UGT2B28: variants seen among roughly 807,000 people sequenced by gnomAD.
UGT2B28 encodes the protein UDP glucuronosyltransferase family 2 member B28.
UGT2B28 carries 45 observed loss-of-function variants against 43.6 expected under a neutral mutation model. That is an observed-to-expected ratio of 1.03 (90% CI 0.81 to 1.32). The LOEUF is 1.32. Among genes scored for constraint, UGT2B28 ranks in the 40% most tolerant of loss-of-function variants. The probability of loss-of-function intolerance (pLI) is 0.00; values close to 1 mark genes in which losing one functional copy is unlikely to be tolerated. For synonymous variants in UGT2B28, 204 were observed against 208.1 expected, an observed-to-expected ratio of 0.98 and a Z score of 0.17; for missense variants, 649 against 625.5, an observed-to-expected ratio of 1.04 and a Z score of -0.40.
Position 69,289,766 on chromosome 4 carries a change from G to A in UGT2B28, c.1090+14G>A. ...ATGACCTTCTAGGTAACACTCTGGT[G>A]AACAAATACTGGATATATTAGTAAC... On this transcript the variant is annotated intron_variant, in intron 4 of 5. Coordinates refer to ENST00000335568, the MANE Select transcript of UGT2B28 (RefSeq NM_053039.2). 2 of 1,524,940 alleles carry A rather than the reference G, an allele frequency of 1.3e-6. No homozygotes were observed. Among genetic ancestry groups the A allele is most frequent in the Non-Finnish European group, 1.8e-6 (2 of 1,132,048 alleles). 94.5% of individuals were successfully genotyped at this position (1,524,940 alleles called of 1,614,324 possible). A position where few individuals can be genotyped will look rare whatever the true frequency, so the allele number is the denominator to read the frequency against.
chr4:69,290,367 C>A lies in UGT2B28; in HGVS notation c.1091-225C>A, dbSNP rs114860795. Among the ~76,000 whole-genome samples the A allele has an allele frequency of 8.7e-4, 122 of 139,814 alleles. 15 individuals carry two copies. In the Middle Eastern group the frequency reaches 0.011, roughly 13 times the overall value. 91.7% of individuals were successfully genotyped at this position (139,814 alleles called of 152,430 possible). The stretch of plus-strand genomic sequence containing the variant: ...AATCTAGAATGCACTTTTCATTAGT[C>A]CCGCTGAAAATCTTGTATTCAGTTT... On this transcript the variant is annotated intron_variant, in intron 4 of 5. Coordinates refer to ENST00000335568, the MANE Select transcript of UGT2B28 (RefSeq NM_053039.2).
At position 69,287,737 on chromosome 4, in the gene UGT2B28, T is replaced by C. The variant is rs552371020; in HGVS notation, c.1002+854T>C. The stretch of plus-strand genomic sequence containing the variant: ...AGGAAGCCAGGCAGGGGAACAGGTT[T>C]AGATGTCCCCTCCATAGAACATAGT... On this transcript the variant is annotated intron_variant, in intron 3 of 5. Coordinates refer to ENST00000335568, the MANE Select transcript of UGT2B28 (RefSeq NM_053039.2). Among the ~76,000 whole-genome samples, 80 of 140,132 alleles carry C rather than the reference T, an allele frequency of 5.7e-4. 15 individuals are homozygous for C. The highest frequency in any genetic ancestry group is 8.2e-4 in the Non-Finnish European group (54 of 65,674). 91.9% of individuals were successfully genotyped at this position (140,132 alleles called of 152,430 possible).
intron 3 of UGT2B28, among the ~76,000 whole-genome samples, 187 bp downstream of exon 3, chr4:69,287,070 CT>C (rs1332185825): frequency 7.2e-6 from 1 of 138,290 alleles, no homozygotes; most frequent in East Asian, 2.0e-4. Flanking sequence ...ACATGTGGCC[CT>C]GGGGGTGTTA....
intron 3 of UGT2B28, 107 bp from the exon 4 acceptor site, chr4:69,289,558 T>G: frequency 9.7e-7 from 1 of 1,034,710 alleles, no homozygotes; most frequent in Non-Finnish European, 1.3e-6. Context: ...CTGAGTAGAT[T>G]TATTTACTAA....
chr4:69,282,854 A>G (rs1372179336), intron 2 of UGT2B28, among the ~76,000 whole-genome samples, 192 bp downstream of exon 2: 2 of 140,466 alleles, frequency 1.4e-5, no homozygotes, highest in Admixed American at 1.4e-4. Context: ...TGCATATTAC[A>G]AATAGAGAGG....
At chr4:69,288,521 A>T (rs183347736) in intron 3 of UGT2B28, among the ~76,000 whole-genome samples, 6,930 of 139,656 alleles carry the variant, frequency 0.05, 1,198 homozygotes, top group East Asian at 0.22. Flanking sequence ...TTATTACACT[A>T]GAATTACAAT....
chr4:69,283,231 GA>G (rs1723673670), intron 2 of UGT2B28, among the ~76,000 whole-genome samples: 1 of 139,086 alleles, frequency 7.2e-6, no homozygotes, highest in African/African-American at 2.8e-5. Context: ...GACAAAAAGG[GA>G]AAGCAGATAA....
intron 3 of UGT2B28, 97 bp from the exon 4 acceptor site, chr4:69,289,568 A>T: frequency 9.1e-7 from 1 of 1,097,640 alleles, no homozygotes; most frequent in Non-Finnish European, 1.2e-6. Context: ...TTATTTACTA[A>T]CATCCCTTGA....
At chr4:69,282,411 A>ACTTTACCT in intron 1 of UGT2B28, 103 bp from the exon 2 acceptor site, 1 of 1,252,748 alleles carries the variant, frequency 8.0e-7, no homozygotes, top group Non-Finnish European at 1.0e-6. Context: ...AAGCACACAA[A>ACTTTACCT]CTTTACCTAC....
At chr4:69,293,915 C>CA (rs1724026423) in intron 5 of UGT2B28, among the ~76,000 whole-genome samples, 1 of 140,184 alleles carries the variant, frequency 7.1e-6, no homozygotes, top group African/African-American at 2.8e-5. Context: ...CAGTAGGAAA[C>CA]AAAAGAGTAA....
chr4:69,294,950 T>C lies in UGT2B28; in HGVS notation c.*141T>C. 3 of 1,199,728 alleles carry C rather than the reference T, an allele frequency of 2.5e-6. No homozygotes were observed. Among genetic ancestry groups the C allele is most frequent in the Non-Finnish European group, 2.2e-6 (2 of 930,146 alleles). The allele number at this position is 1,199,728 out of a possible 1,614,324, so 74.3% of individuals were successfully genotyped here. ...ACTTTTCAAAATCTACCTTGTCAAG[T>C]AAAAATTTGTTTTTCAGAGATTTAC... On this transcript the variant is annotated 3_prime_UTR_variant, in exon 6 of 6. Transcript: ENST00000335568.
Position 69,294,900 on chromosome 4 carries a change from C to T in UGT2B28, c.*91C>T, listed in dbSNP as rs1724062898. Reference sequence around the variant, plus strand: ...AAGAAAAGATTGTTATGCAAGATTTCTTTCTTCCTGTGACAAAAAAAAAAA... The same window carrying T: ...AAGAAAAGATTGTTATGCAAGATTTTTTTCTTCCTGTGACAAAAAAAAAAA... On this transcript the variant is annotated 3_prime_UTR_variant, in exon 6 of 6. Coordinates refer to ENST00000335568, the MANE Select transcript of UGT2B28 (RefSeq NM_053039.2). The T allele has an allele frequency of 7.4e-7, 1 of 1,350,286 alleles. No individual in the cohort carries two copies. Among genetic ancestry groups the T allele is most frequent in the Non-Finnish European group, 9.6e-7 (1 of 1,043,352 alleles). The allele number at this position is 1,350,286 out of a possible 1,614,324, so 83.6% of individuals were successfully genotyped here. A position where few individuals can be genotyped will look rare whatever the true frequency, so the allele number is the denominator to read the frequency against.
rs1181406278 is a variant in UGT2B28 at position 69,291,508 on chromosome 4, C to A, written c.1310+697C>A. ...AGGTGCTGTGTAAATGACATTTCAC[C>A]TAGCCTAATTTTTGTTCTTTTCTTA... On this transcript the variant is annotated intron_variant, in intron 5 of 5. Coordinates refer to ENST00000335568, the MANE Select transcript of UGT2B28 (RefSeq NM_053039.2). 5.7e-5 allele frequency among the ~76,000 whole-genome samples: 8 copies of A among 140,588 alleles called. 2 individuals carry two copies. Among genetic ancestry groups the A allele is most frequent in the African/African-American group, 1.9e-4 (7 of 36,064 alleles). The allele number at this position is 140,588 out of a possible 152,430, so 92.2% of individuals were successfully genotyped here.
At chr4:69,290,165 A>C (rs1719354743) in intron 4 of UGT2B28, among the ~76,000 whole-genome samples, 1 of 139,916 alleles carries the variant, frequency 7.1e-6, no homozygotes, top group Non-Finnish European at 1.5e-5. Context: ...TCTTAATCTT[A>C]AAGTAGTGAC....
intron 5 of UGT2B28, among the ~76,000 whole-genome samples, chr4:69,293,961 C>A (rs1245648660): frequency 7.1e-6 from 1 of 140,256 alleles, no homozygotes; most frequent in Non-Finnish European, 1.5e-5. Context: ...AGGTATGTCA[C>A]TCGCCATGAT....
chr4:69,286,187 C>G (rs1394775033), intron 2 of UGT2B28, among the ~76,000 whole-genome samples: 5 of 141,008 alleles, frequency 3.5e-5, no homozygotes, highest in East Asian at 2.0e-4. Context: ...AAAACTCTGA[C>G]AAACTTTAAG....
At chr4:69,292,115 A>C (rs1275635627) in intron 5 of UGT2B28, among the ~76,000 whole-genome samples, 1 of 140,862 alleles carries the variant, frequency 7.1e-6, no homozygotes, top group Admixed American at 7.1e-5. Context: ...GGGTCAAATC[A>C]GATATATAAT....
Position 69,292,298 on chromosome 4 carries a change from A to T in UGT2B28, c.1310+1487A>T, listed in dbSNP as rs1189380570. Among the ~76,000 whole-genome samples the T allele has an allele frequency of 1.4e-5, 2 of 140,080 alleles. 1 individual carries two copies. The highest frequency in any genetic ancestry group is 3.1e-5 in the Non-Finnish European group (2 of 65,546). 91.9% of individuals were successfully genotyped at this position (140,080 alleles called of 152,430 possible). On this transcript the variant is annotated intron_variant, in intron 5 of 5. Coordinates refer to ENST00000335568, the MANE Select transcript of UGT2B28 (RefSeq NM_053039.2). Reference sequence around the variant, plus strand: ...GGAGTCCAGCTACCATCAATTCCACATTTATAACTACTCTCAATAAAGTTT... The same window carrying T: ...GGAGTCCAGCTACCATCAATTCCACTTTTATAACTACTCTCAATAAAGTTT...
At position 69,294,792 on chromosome 4, in the gene UGT2B28, A is replaced by T; in HGVS notation, c.1573A>T (p.Lys525Ter). The stretch of plus-strand genomic sequence containing the variant: ...CTGGAAGTTTGCTAGAAAAGGGAAG[A>T]AGGGAAAAAGAGATTAGTTATGTCT... ...CFWKFARKGK[K>*]GKRD Residue 525 changes from lysine (K) to a stop codon, truncating the protein, a stop_gained, in exon 6 of 6, where the codon AAG becomes TAG. Transcript: ENST00000335568. LOFTEE classifies it high-confidence loss of function. The T allele has an allele frequency of 1.3e-6, 2 of 1,557,196 alleles. No individual in the cohort carries two copies. Among genetic ancestry groups the T allele is most frequent in the South Asian group, 2.4e-5 (2 of 83,776 alleles).
Sources: allele counts gnomAD v4.1 joint callset (sites outside exome capture counted in the v4.1 genomes callset), GRCh38; gene constraint gnomAD v4.1.1; transcripts MANE v1.5; gene names NCBI Gene and HGNC (gene_info 2026-07-23, HGNC 2026-07-21).